PPIP5K2: variants seen among roughly 807,000 people sequenced by gnomAD.
PPIP5K2 encodes the protein diphosphoinositol pentakisphosphate kinase 2.
Under a neutral mutation model 154.6 loss-of-function variants are expected in PPIP5K2, and 105 were observed. That is an observed-to-expected ratio of 0.68 (90% CI 0.58 to 0.80). The LOEUF is 0.80. Among genes scored for constraint, PPIP5K2 ranks in the 30% least tolerant of loss-of-function variants. The probability of loss-of-function intolerance (pLI) is 0.00; values close to 1 mark genes in which losing one functional copy is unlikely to be tolerated. For synonymous variants in PPIP5K2, 480 were observed against 490.3 expected, an observed-to-expected ratio of 0.98 and a Z score of 0.28; for missense variants, 992 against 1,504.6, an observed-to-expected ratio of 0.66 and a Z score of 5.64.
At chr5:103,177,262 G>A (rs1798865233) in intron 21 of PPIP5K2, among the ~76,000 whole-genome samples, 1 of 151,550 alleles carries the variant, frequency 6.6e-6, no homozygotes, top group Non-Finnish European at 1.5e-5. Context: ...CTTGAGACCA[G>A]AAGTTTTTTG....
At chr5:103,155,827 G>T (rs1554213089) in intron 13 of PPIP5K2, 82 bp from the exon 14 acceptor site, 4 of 887,340 alleles carry the variant, frequency 4.5e-6, no homozygotes, top group Non-Finnish European at 5.5e-6. Context: ...TAAACAGGCG[G>T]TTACAAATAA....
intron 17 of PPIP5K2, among the ~76,000 whole-genome samples, chr5:103,163,086 GTTT>G (rs35922283): frequency 0.014 from 830 of 59,866 alleles, 4 homozygotes; most frequent in Non-Finnish European, 0.024. Flanking sequence ...TTCTTCAAGT[GTTT>G]TTTTTTTTTT....
chr5:103,199,523 C>T (rs1554229599), intron 30 of PPIP5K2, among the ~76,000 whole-genome samples: 1 of 152,024 alleles, frequency 6.6e-6, no homozygotes, highest in Non-Finnish European at 1.5e-5. Flanking sequence ...GAATTACTGT[C>T]CACATAAATG....
In PPIP5K2 at chr5:103,173,984, AAGTTATTTC is replaced by A. The variant is rs781872741; in HGVS notation, c.2529+16_2529+24del. 8 of 1,502,716 alleles carry A rather than the reference AAGTTATTTC, an allele frequency of 5.3e-6. No individual in the cohort carries two copies. The highest frequency in any genetic ancestry group is 7.3e-6 in the Non-Finnish European group (8 of 1,095,242). The allele number at this position is 1,502,716 out of a possible 1,614,324, so 93.1% of individuals were successfully genotyped here. A position where few individuals can be genotyped will look rare whatever the true frequency, so the allele number is the denominator to read the frequency against. On this transcript the variant is annotated intron_variant, in intron 21 of 30. Transcript: ENST00000358359. ...GTGCCTTATGCAATGTAAGTAGAAT[AAGTTATTTC>A]AGTCTAACAAATATATTTAATTTTG...
At chr5:103,181,068 A>T (rs900439691) in intron 24 of PPIP5K2, among the ~76,000 whole-genome samples, 1 of 152,158 alleles carries the variant, frequency 6.6e-6, no homozygotes, top group African/African-American at 2.4e-5. Flanking sequence ...ATAGAAAAAC[A>T]TTTAAATAAT....
chr5:103,147,860 T>A, intron 6 of PPIP5K2, 71 bp from the exon 7 acceptor site: 1 of 885,936 alleles, frequency 1.1e-6, no homozygotes, highest in Non-Finnish European at 1.8e-6. Context: ...AAATAAACTA[T>A]TTGTCATTTT....
At chr5:103,176,949 A>C in intron 21 of PPIP5K2, 6 of 1,399,052 alleles carry the variant, frequency 4.3e-6, no homozygotes, top group Non-Finnish European at 5.8e-6. Flanking sequence ...CCTTCTTCTG[A>C]TTTTTGAATA....
intron 8 of PPIP5K2, among the ~76,000 whole-genome samples, chr5:103,149,847 C>T (rs1346961479): frequency 4.6e-5 from 7 of 151,978 alleles, no homozygotes; most frequent in Admixed American, 3.9e-4. Context: ...CAGGCACCCA[C>T]CACCATGCCC....
In PPIP5K2 at chr5:103,201,880, A is replaced by G. The variant is rs1263710181; in HGVS notation, c.*246A>G. The G allele has an allele frequency of 1.0e-5, 4 of 391,568 alleles. No homozygotes were observed. The highest frequency in any genetic ancestry group is 9.1e-5 in the Admixed American group (2 of 21,940). The allele number at this position is 391,568 out of a possible 1,614,324, so 24.3% of individuals were successfully genotyped here. Reference sequence around the variant, plus strand: ...TTAATATGATGTTTACCATGTGCACATAGTAATGAAAAGGAACATAAAAGC... The same window carrying G: ...TTAATATGATGTTTACCATGTGCACGTAGTAATGAAAAGGAACATAAAAGC... On this transcript the variant is annotated 3_prime_UTR_variant, in exon 31 of 31. Transcript: ENST00000358359.
chr5:103,183,433 A>AT (rs1799886613), intron 25 of PPIP5K2, 26 bp downstream of exon 25: 1 of 1,580,058 alleles, frequency 6.3e-7, no homozygotes, highest in Admixed American at 1.8e-5. Flanking sequence ...TTCATTAAAC[A>AT]TTTTTCCTCC....
In PPIP5K2 at chr5:103,154,820, A is replaced by C; in HGVS notation, c.1294-14A>C. On this transcript the variant is annotated splice_polypyrimidine_tract_variant and intron_variant, in intron 12 of 30. Transcript: ENST00000358359. The stretch of plus-strand genomic sequence containing the variant: ...TTACATAAAAATTCAATTTTTTATT[A>C]ATTTATTTTATAGGAAGTGCTAGAT... 1.3e-6 allele frequency: 2 copies of C among 1,552,870 alleles called. No individual in the cohort carries two copies. Among genetic ancestry groups the C allele is most frequent in the Non-Finnish European group, 1.7e-6 (2 of 1,152,638 alleles).
intron 21 of PPIP5K2, among the ~76,000 whole-genome samples, chr5:103,174,804 G>C (rs1003321910): frequency 1.1e-4 from 16 of 152,206 alleles, no homozygotes; most frequent in Admixed American, 8.5e-4. Flanking sequence ...GAGTGTCCCT[G>C]TCCTATTGTA....
rs1554230882 is a variant in PPIP5K2, at chr5:103,202,309, T to C, written c.*675T>C. 6.6e-6 allele frequency: 1 copy of C among 152,558 alleles called. No individual in the cohort carries two copies. Among genetic ancestry groups the C allele is most frequent in the Non-Finnish European group, 1.5e-5 (1 of 68,034 alleles). 9.5% of individuals were successfully genotyped at this position (152,558 alleles called of 1,614,324 possible). On this transcript the variant is annotated 3_prime_UTR_variant, in exon 31 of 31. Coordinates refer to ENST00000358359, the MANE Select transcript of PPIP5K2 (RefSeq NM_001276277.3). ...TTGTAGAAAATATTTTCTTTATATA[T>C]TTCCTTACCATACAAGGTGCCTTGT...
chr5:103,149,157 T>C lies in PPIP5K2; in HGVS notation c.750T>C (p.Tyr250=). Residue 250 remains tyrosine, a synonymous_variant, in exon 8 of 31, where the codon TAT becomes TAC. Transcript: ENST00000358359. The part of the protein sequence containing the change: ...MPTDGTDVKV[Y]TVGPDYAHAE... ...TTATTAAACATTTGTGAAAGGTTTA[T>C]ACAGTGGGTCCAGATTATGCCCATG... 2 of 1,612,266 alleles carry C rather than the reference T, an allele frequency of 1.2e-6. No individual in the cohort carries two copies. Among genetic ancestry groups the C allele is most frequent in the African/African-American group, 1.3e-5 (1 of 74,976 alleles).
rs1799859267 is a variant in PPIP5K2 at position 103,183,280 on chromosome 5, G to C, written c.2969G>C (p.Trp990Ser). 12 of 1,540,500 alleles carry C rather than the reference G, an allele frequency of 7.8e-6. No homozygotes were observed. The highest frequency in any genetic ancestry group is 1.0e-5 in the Non-Finnish European group (12 of 1,146,842). Residue 990 changes from tryptophan (W) to serine (S), a missense_variant, in exon 25 of 31, where the codon TGG (tryptophan) becomes TCG (serine). Around this residue, in one of 9 missense-constraint regions of PPIP5K2, gnomAD observed 204 missense variants for 224.0 expected, o/e 0.91. Transcript: ENST00000358359. Reference protein sequence around the residue: ...SVSSPEGTGTWLHYTSGVGTG... With the variant: ...SVSSPEGTGTSLHYTSGVGTG... ...TCTAGCCCAGAGGGTACTGGTACCT[G>C]GCTGCATTATACCAGTGGTGTGGGT...
At chr5:103,173,057 TA>T in intron 19 of PPIP5K2, 97 bp from the exon 20 acceptor site, 1 of 987,324 alleles carries the variant, frequency 1.0e-6, no homozygotes, top group Non-Finnish European at 1.4e-6. Context: ...AAAGGCTTGA[TA>T]AAATATTTGT....
Position 103,210,735 on chromosome 5 carries a change from C to A in PPIP5K2, c.*9101C>A, listed in dbSNP as rs1428150190. ...CCTGGATGCTCTTTTGAGGAATTTACTTGGTTAATACAGTTAATAGTATAA... is the reference window on the plus strand; with the variant it reads ...CCTGGATGCTCTTTTGAGGAATTTAATTGGTTAATACAGTTAATAGTATAA... On this transcript the variant is annotated 3_prime_UTR_variant, in exon 31 of 31. Transcript: ENST00000358359. 6.6e-6 allele frequency: 1 copy of A among 152,056 alleles called. No homozygotes were observed. Among genetic ancestry groups the A allele is most frequent in the Non-Finnish European group, 1.5e-5 (1 of 67,988 alleles). The allele number at this position is 152,056 out of a possible 1,614,324, so 9.4% of individuals were successfully genotyped here. A position where few individuals can be genotyped will look rare whatever the true frequency, so the allele number is the denominator to read the frequency against.
At chr5:103,133,991 A>G (rs577235979) in intron 3 of PPIP5K2, among the ~76,000 whole-genome samples, 3 of 152,198 alleles carry the variant, frequency 2.0e-5, no homozygotes, top group South Asian at 2.1e-4. Flanking sequence ...AATTTATCCA[A>G]TATCCTAACA....
chr5:103,130,863 C>T (rs148886934), intron 2 of PPIP5K2, among the ~76,000 whole-genome samples: 60 of 152,292 alleles, frequency 3.9e-4, no homozygotes, highest in African/African-American at 1.4e-3. Flanking sequence ...AGCCAGGCTT[C>T]TTACATGTAA....
Sources: allele counts gnomAD v4.1 joint callset (sites outside exome capture counted in the v4.1 genomes callset), GRCh38; gene constraint gnomAD v4.1.1; regional missense constraint gnomAD v4.1.1; transcripts MANE v1.5; gene names NCBI Gene and HGNC (gene_info 2026-07-23, HGNC 2026-07-21).